Variants in CDH4 observed in about 807,000 individuals in gnomAD.
CDH4 encodes the protein cadherin-4.
CDH4 carries 33 observed loss-of-function variants against 86.0 expected under a neutral mutation model. The observed-to-expected ratio is 0.38, with a 90% CI of 0.29 to 0.51. CDH4 has a LOEUF of 0.51. Ranked by LOEUF, CDH4 falls within the 20% of genes least tolerant of loss-of-function variation. The pLI, the probability that CDH4 is intolerant of heterozygous loss-of-function variation, is 0.86. For synonymous variants in CDH4, 555 were observed against 549.4 expected (o/e 1.01, Z -0.14); for missense variants, 1,114 against 1,307.4 (o/e 0.85, Z 2.28).
intron 2 of CDH4, among the ~76,000 whole-genome samples, chr20:61,652,955 T>TTTTTTTTTTTTTTTA (rs1600842152): frequency 1.6e-5 from 2 of 122,932 alleles, no homozygotes; most frequent in African/African-American, 5.5e-5. Flanking sequence ...TTTTTTTTTT[T>TTTTTTTTTTTTTTTA]ATTGATCATT....
intron 2 of CDH4, among the ~76,000 whole-genome samples, chr20:61,416,516 G>GT (rs2085147958): frequency 6.6e-6 from 1 of 152,242 alleles, no homozygotes. Context: ...TGGGTGTGAA[G>GT]TGGTATGCAA....
At position 61,535,111 on chromosome 20, in the gene CDH4, C is replaced by T. The variant is rs528697857; in HGVS notation, c.170-208452C>T. On this transcript the variant is annotated intron_variant, in intron 2 of 15. Transcript: ENST00000614565. ...CCCTCCAAGGGGCATGGATGGGTGG[C>T]GCTGGTTGAGCCCTCACCATAGTTG... Among the ~76,000 whole-genome samples the T allele has an allele frequency of 2.6e-4, 40 of 152,340 alleles. 1 individual carries two copies. The South Asian group carries it at 6.6e-3, about 25-fold the overall frequency.
At chr20:61,872,114 T>C (rs1983831306) in intron 6 of CDH4, among the ~76,000 whole-genome samples, 1 of 152,218 alleles carries the variant, frequency 6.6e-6, no homozygotes, top group African/African-American at 2.4e-5. Context: ...TCGCAGACCC[T>C]GCCTCCTGAG....
chr20:61,888,094 G>T (rs1984628584), intron 7 of CDH4, among the ~76,000 whole-genome samples: 2 of 152,214 alleles, frequency 1.3e-5, no homozygotes. Context: ...GAGGCTGCCT[G>T]CTGCCCTGTC....
chr20:61,811,765 G>T lies in CDH4; in HGVS notation c.577-32903G>T, dbSNP rs150062624. Among the ~76,000 whole-genome samples, 2,258 of 148,796 alleles carry T rather than the reference G, an allele frequency of 0.015. 56 individuals are homozygous for T. The highest frequency in any genetic ancestry group is 0.053 in the African/African-American group (2,123 of 40,414). On this transcript the variant is annotated intron_variant, in intron 4 of 15. Coordinates refer to ENST00000614565, the MANE Select transcript of CDH4 (RefSeq NM_001794.5). This position sits in a 1 kb window ranked among gnomAD's most constrained non-coding sequence, Gnocchi z 4.4. ...CCACTCACTGCAACCTCTGCCTCCC[G>T]GGTTCAAGCAATTCTCCTGCCTCAG... is the stretch of plus-strand genomic sequence containing the variant.
rs568275569 is a variant in CDH4, at chr20:61,810,132, G to A, written c.577-34536G>A. On this transcript the variant is annotated intron_variant, in intron 4 of 15. Coordinates refer to ENST00000614565, the MANE Select transcript of CDH4 (RefSeq NM_001794.5). The surrounding 1 kb of genome is among the most constrained non-coding windows in gnomAD (Gnocchi z 4.3). ...CTGGACGGGCCTCAGCCGGGGTGGG[G>A]TGGGGGGCACCTGAGCCTAGACCTG... Among the ~76,000 whole-genome samples, 3 of 152,320 alleles carry A rather than the reference G, an allele frequency of 2.0e-5. No homozygotes were observed. The highest frequency in any genetic ancestry group is 2.1e-4 in the South Asian group (1 of 4,820).
chr20:61,588,687 C>T (rs780310970), intron 2 of CDH4, among the ~76,000 whole-genome samples: 4 of 152,136 alleles, frequency 2.6e-5, no homozygotes, highest in Non-Finnish European at 4.4e-5. Flanking sequence ...GTCTCCAGTG[C>T]GTTTATCTTT....
At chr20:61,609,386 T>G (rs1418068418) in intron 2 of CDH4, among the ~76,000 whole-genome samples, 1 of 152,212 alleles carries the variant, frequency 6.6e-6, no homozygotes, top group Non-Finnish European at 1.5e-5. Context: ...ACTGGCCTCG[T>G]GCAATGCAGC....
intron 2 of CDH4, among the ~76,000 whole-genome samples, chr20:61,668,586 G>T (rs897476030): frequency 3.3e-5 from 5 of 152,200 alleles, no homozygotes; most frequent in Admixed American, 1.3e-4. Flanking sequence ...GCTGTCCAGG[G>T]CAACTCCTCC....
chr20:61,498,935 C>T (rs2085680941), intron 2 of CDH4, among the ~76,000 whole-genome samples: 1 of 152,196 alleles, frequency 6.6e-6, no homozygotes, highest in African/African-American at 2.4e-5. Context: ...CATTCAGCCC[C>T]AGCTTCTCTC....
chr20:61,535,960 T>C (rs1393250430), intron 2 of CDH4, among the ~76,000 whole-genome samples: 4 of 152,288 alleles, frequency 2.6e-5, no homozygotes, highest in Middle Eastern at 3.4e-3. Flanking sequence ...TCCTGAAAGA[T>C]TGGGGTGCTT....
intron 2 of CDH4, among the ~76,000 whole-genome samples, chr20:61,492,091 ATGG>A (rs369476680): frequency 7.0e-6 from 1 of 143,348 alleles, no homozygotes; most frequent in South Asian, 2.3e-4. Context: ...GATGGTGTTG[ATGG>A]TGGTGGTGTT....
intron 11 of CDH4, among the ~76,000 whole-genome samples, chr20:61,927,047 C>T (rs1277170484): frequency 6.6e-6 from 1 of 152,216 alleles, no homozygotes; most frequent in Non-Finnish European, 1.5e-5. Flanking sequence ...CCATCAGCTA[C>T]ATCTCAAAGC....
At chr20:61,761,937 GCCGCACGGCAGGCAGCT>G (rs2088638920) in intron 3 of CDH4, among the ~76,000 whole-genome samples, 1 of 151,794 alleles carries the variant, frequency 6.6e-6, no homozygotes, top group Non-Finnish European at 1.5e-5. Flanking sequence ...AGCAGGCAGC[GCCGCACGGCAGGCAGCT>G]CCGCACAGCA....
intron 2 of CDH4, among the ~76,000 whole-genome samples, chr20:61,691,718 A>G (rs529375610): frequency 3.6e-4 from 55 of 152,372 alleles, no homozygotes; most frequent in African/African-American, 1.2e-3. Context: ...GACAGCAGTA[A>G]CAATGGTATT....
intron 2 of CDH4, among the ~76,000 whole-genome samples, chr20:61,655,043 G>T (rs1034095851): frequency 7.9e-5 from 12 of 152,382 alleles, no homozygotes; most frequent in Middle Eastern, 3.4e-3. Context: ...TGGAATTTCA[G>T]TGTCTTCATC....
intron 12 of CDH4, among the ~76,000 whole-genome samples, 156 bp from the exon 13 acceptor site, chr20:61,929,448 TTTAAC>T (rs2055081254): frequency 6.6e-6 from 1 of 152,242 alleles, no homozygotes; most frequent in South Asian, 2.1e-4. Context: ...TCCAATGTCT[TTTAAC>T]TTAATGATGT....
intron 3 of CDH4, among the ~76,000 whole-genome samples, chr20:61,761,578 A>G (rs2088632936): frequency 6.6e-6 from 1 of 152,278 alleles, no homozygotes; most frequent in Non-Finnish European, 1.5e-5. Flanking sequence ...AGGTGGTGCC[A>G]TGGGTCCGTG....
intron 13 of CDH4, among the ~76,000 whole-genome samples, chr20:61,930,412 G>T (rs1215906013): frequency 2.0e-5 from 3 of 152,208 alleles, no homozygotes; most frequent in African/African-American, 7.2e-5. Context: ...GGTGCCAGGG[G>T]AGGTGCTTGA....
Sources: gnomAD v4.1 joint callset for allele counts (sites outside exome capture counted in the v4.1 genomes callset) on GRCh38, gnomAD v4.1.1 for gene constraint, Gnocchi (gnomAD v3.1) non-coding constraint, MANE v1.5 for transcripts, NCBI Gene and HGNC (gene_info 2026-07-23, HGNC 2026-07-21) for gene names.